IKZF2: variants seen among roughly 807,000 people sequenced by gnomAD.
IKZF2 encodes zinc finger protein Helios.
In IKZF2, 15 loss-of-function variants were observed where a neutral mutation model predicts 49.2. That is an observed-to-expected ratio of 0.30 (90% CI 0.20 to 0.47). The LOEUF (loss-of-function observed/expected upper bound fraction) is 0.47. Among genes scored for constraint, IKZF2 ranks in the 20% least tolerant of loss-of-function variants. IKZF2 has a pLI of 1.00. For missense variants in IKZF2, 567 were observed against 664.6 expected (o/e 0.85, Z 1.61); for synonymous variants, 227 against 221.4 (o/e 1.03, Z -0.23).
chr2:213,083,551 C>CTTTTTTTTTTTTTTTTT (rs35297007), intron 4 of IKZF2, among the ~76,000 whole-genome samples: 2 of 93,956 alleles, frequency 2.1e-5, no homozygotes, highest in Non-Finnish European at 4.1e-5. Context: ...ACCAGGCTAA[C>CTTTTTTTTTTTTTTTTT]TTTTTTTTTT....
At chr2:213,124,021 C>T (rs531237066) in intron 4 of IKZF2, among the ~76,000 whole-genome samples, 1 of 151,970 alleles carries the variant, frequency 6.6e-6, no homozygotes, top group East Asian at 1.9e-4. Flanking sequence ...TAGAGCTGAT[C>T]AGCAATGGAA....
At chr2:213,109,922 A>G (rs1295913843) in intron 4 of IKZF2, among the ~76,000 whole-genome samples, 1 of 152,024 alleles carries the variant, frequency 6.6e-6, no homozygotes, top group Admixed American at 6.5e-5. Flanking sequence ...TAATTGCTTG[A>G]TGGAGTTAAT....
At chr2:213,150,420 T>G (rs1259023897) in intron 1 of IKZF2, 173 bp from the exon 2 acceptor site, 4 of 260,376 alleles carry the variant, frequency 1.5e-5, no homozygotes, top group South Asian at 1.5e-4. Flanking sequence ...GATCGGCTGA[T>G]AAACAAAACC....
intron 4 of IKZF2, among the ~76,000 whole-genome samples, chr2:213,118,337 AC>A (rs1281226149): frequency 1.3e-5 from 2 of 152,318 alleles, no homozygotes; most frequent in Middle Eastern, 3.4e-3. Context: ...AAATGAGCAC[AC>A]CTTTTCAACA....
At chr2:213,141,553 C>A (rs2060874191) in intron 4 of IKZF2, among the ~76,000 whole-genome samples, 1 of 151,898 alleles carries the variant, frequency 6.6e-6, no homozygotes, top group Non-Finnish European at 1.5e-5. Context: ...TGCTATTTCT[C>A]ACCTCTTATT....
chr2:213,006,265 A>G lies in IKZF2; in HGVS notation c.*1095T>C, dbSNP rs111959060. 6.6e-6 allele frequency: 1 copy of G among 152,432 alleles called. No homozygotes were observed. The highest frequency in any genetic ancestry group is 2.4e-5 in the African/African-American group (1 of 41,432). The allele number at this position is 152,432 out of a possible 1,614,324, so 9.4% of individuals were successfully genotyped here. On this transcript the variant is annotated 3_prime_UTR_variant, in exon 9 of 9. Coordinates refer to ENST00000434687, the MANE Select transcript of IKZF2 (RefSeq NM_001387220.1). ...TCGAAGAGTAAAGGATGAATGAACT[A>G]TGGACAGAACACCGGGAGGTCACAT...
chr2:213,032,739 T>A (rs1698595822), intron 6 of IKZF2, among the ~76,000 whole-genome samples: 2 of 152,208 alleles, frequency 1.3e-5, no homozygotes, highest in African/African-American at 4.8e-5. Flanking sequence ...ACACATACAC[T>A]GTAAAGATAA....
intron 4 of IKZF2, among the ~76,000 whole-genome samples, chr2:213,102,217 G>A (rs1706759666): frequency 6.6e-6 from 1 of 152,138 alleles, no homozygotes; most frequent in Non-Finnish European, 1.5e-5. Context: ...CATAGTCCCA[G>A]AAATATTGAC....
At chr2:213,057,138 G>A in intron 4 of IKZF2, 39 bp from the exon 5 acceptor site, 2 of 1,523,534 alleles carry the variant, frequency 1.3e-6, no homozygotes, top group Non-Finnish European at 1.8e-6. Context: ...TTAAATACAT[G>A]TTATGTATTC....
chr2:213,103,665 T>C (rs10932465), intron 4 of IKZF2, among the ~76,000 whole-genome samples: 53,662 of 152,060 alleles, frequency 0.35, 11,883 homozygotes, highest in East Asian at 0.73. Flanking sequence ...GTTTGTTTTG[T>C]AAACTTTGAA....
chr2:213,051,667 A>G (rs1700686542), intron 5 of IKZF2, among the ~76,000 whole-genome samples: 1 of 151,948 alleles, frequency 6.6e-6, no homozygotes, highest in Admixed American at 6.6e-5. Flanking sequence ...TAAATCAAGA[A>G]TTTTCCACTC....
intron 8 of IKZF2, among the ~76,000 whole-genome samples, chr2:213,008,404 G>T (rs985685658): frequency 2.0e-5 from 3 of 151,772 alleles, no homozygotes; most frequent in Admixed American, 2.0e-4. Context: ...GCTAATTTTT[G>T]TATTTTTAGT....
chr2:213,150,623 G>A (rs1260938808), intron 1 of IKZF2, among the ~76,000 whole-genome samples: 1 of 143,900 alleles, frequency 6.9e-6, no homozygotes, highest in Non-Finnish European at 1.5e-5. Context: ...CTATAGCAAT[G>A]CGATTAACAA....
intron 4 of IKZF2, among the ~76,000 whole-genome samples, chr2:213,108,387 T>C (rs558611310): frequency 1.3e-5 from 2 of 152,298 alleles, no homozygotes; most frequent in Admixed American, 1.3e-4. Flanking sequence ...GTGGTCATAA[T>C]AAGCAGATTT....
chr2:213,106,366 C>T (rs1465965668), intron 4 of IKZF2, among the ~76,000 whole-genome samples: 1 of 151,394 alleles, frequency 6.6e-6, no homozygotes, highest in Non-Finnish European at 1.5e-5. Flanking sequence ...TGGCTAGGCA[C>T]AATGGTTCAC....
intron 4 of IKZF2, among the ~76,000 whole-genome samples, chr2:213,145,943 C>A (rs993007766): frequency 6.6e-6 from 1 of 152,078 alleles, no homozygotes; most frequent in Non-Finnish European, 1.5e-5. Flanking sequence ...CATGCCTACA[C>A]TCTGCACTGT....
At chr2:213,063,986 T>C (rs1476128544) in intron 4 of IKZF2, among the ~76,000 whole-genome samples, 4 of 152,054 alleles carry the variant, frequency 2.6e-5, no homozygotes, top group African/African-American at 4.8e-5. Flanking sequence ...TATGACTTTC[T>C]ATCAAAACTG....
At chr2:213,106,350 A>C (rs1371995990) in intron 4 of IKZF2, among the ~76,000 whole-genome samples, 2 of 152,126 alleles carry the variant, frequency 1.3e-5, no homozygotes, top group Non-Finnish European at 2.9e-5. Context: ...TTACGAAAAA[A>C]AAAAATGGCT....
chr2:213,039,412 T>C (rs143542610), intron 6 of IKZF2, among the ~76,000 whole-genome samples: 21 of 152,130 alleles, frequency 1.4e-4, no homozygotes, highest in African/African-American at 5.1e-4. Context: ...TTTTAACAGA[T>C]GGGGATTTAT....
Sources: gnomAD v4.1 joint callset for allele counts (sites outside exome capture counted in the v4.1 genomes callset) on GRCh38, gnomAD v4.1.1 for gene constraint, MANE v1.5 for transcripts, NCBI Gene and HGNC (gene_info 2026-07-23, HGNC 2026-07-21) for gene names.